C2orf78: variants seen among roughly 807,000 people sequenced by gnomAD.
The protein encoded by C2orf78 is uncharacterized protein C2orf78.
In C2orf78, 12 loss-of-function variants were observed where a neutral mutation model predicts 21.4. The ratio of observed to expected loss-of-function variants is 0.56; its 90% confidence interval spans 0.36 to 0.91. The LOEUF is 0.91. C2orf78 is among the 40% of genes least tolerant of loss of function. The pLI, the probability that C2orf78 is intolerant of heterozygous loss-of-function variation, is 0.01. For synonymous variants in C2orf78, 396 were observed against 413.9 expected, an observed-to-expected ratio of 0.96 and a Z score of 0.52; for missense variants, 1,042 against 1,092.4, an observed-to-expected ratio of 0.95 and a Z score of 0.65.
At chr2:73,815,026 C>CATCT in intron 2 of C2orf78, 45 bp from the exon 3 acceptor site, 4 of 1,551,850 alleles carry the variant, frequency 2.6e-6, no homozygotes, top group Non-Finnish European at 3.5e-6. Context: ...GTAGGGGGAG[C>CATCT]ATCTCACTTA....
At chr2:73,812,798 G>A (rs556135359) in intron 1 of C2orf78, among the ~76,000 whole-genome samples, 306 of 152,300 alleles carry the variant, frequency 2.0e-3, no homozygotes, top group African/African-American at 7.2e-3. Context: ...CAGGCTTGAA[G>A]AGGGCAAAGA....
exon 2 of C2orf78, chr2:73,813,632 T>C: frequency 6.2e-7 from 1 of 1,614,034 alleles, no homozygotes; most frequent in Non-Finnish European, 8.5e-7. Context: ...GCCATCAGCC[T>C]CTGGCACCTC....
rs1047129156 is a variant in C2orf78, at chr2:73,808,313, T to C, written c.98-5164T>C. On this transcript the variant is annotated intron_variant, in intron 1 of 2. Transcript: ENST00000409561. ...AATTCATTAATCAGATTCACTGAAA[T>C]AGTTTTAGAACAACTGTAATTGCTC... Among the ~76,000 whole-genome samples, 8 of 151,254 alleles carry C rather than the reference T, an allele frequency of 5.3e-5. 2 individuals carry two copies. The highest frequency in any genetic ancestry group is 2.0e-4 in the African/African-American group (8 of 40,590).
exon 3 of C2orf78, chr2:73,815,764 C>A: frequency 6.2e-7 from 1 of 1,613,596 alleles, no homozygotes; most frequent in Non-Finnish European, 8.5e-7. Flanking sequence ...CAGGGTGCTC[C>A]CAAGGCCAAA....
At chr2:73,814,033 A>G (rs1673143095) in exon 2 of C2orf78, 1 of 1,613,908 alleles carries the variant, frequency 6.2e-7, no homozygotes, top group Non-Finnish European at 8.5e-7. Flanking sequence ...ATCAAGGCAC[A>G]CTGGGGCCTC....
At chr2:73,807,906 A>T (rs1256128752) in intron 1 of C2orf78, among the ~76,000 whole-genome samples, 1 of 150,568 alleles carries the variant, frequency 6.6e-6, no homozygotes, top group Non-Finnish European at 1.5e-5. Context: ...CAATCAACAA[A>T]CTTTGCTGTT....
chr2:73,786,220 A>G (rs1391476547), intron 1 of C2orf78, among the ~76,000 whole-genome samples: 12 of 151,840 alleles, frequency 7.9e-5, no homozygotes, highest in Admixed American at 2.0e-4. Flanking sequence ...TTTCTCCTGA[A>G]AATATAAGAA....
exon 3 of C2orf78, chr2:73,815,901 A>G: frequency 6.2e-7 from 1 of 1,613,670 alleles, no homozygotes; most frequent in Non-Finnish European, 8.5e-7. Context: ...GGCTGCATCC[A>G]GCAGGATCAG....
At chr2:73,811,514 C>A (rs1405167963) in intron 1 of C2orf78, among the ~76,000 whole-genome samples, 2 of 152,110 alleles carry the variant, frequency 1.3e-5, no homozygotes, top group East Asian at 3.8e-4. Flanking sequence ...CAAGTAAAAG[C>A]TGCTTTTTTA....
intron 1 of C2orf78, among the ~76,000 whole-genome samples, chr2:73,786,162 C>T (rs554089747): frequency 1.3e-5 from 2 of 152,066 alleles, no homozygotes; most frequent in South Asian, 2.1e-4. Context: ...GGCGGATTGC[C>T]TGAGGTCAGA....
exon 2 of C2orf78, chr2:73,814,195 T>C: frequency 6.3e-7 from 1 of 1,587,210 alleles, no homozygotes; most frequent in Non-Finnish European, 8.6e-7. Flanking sequence ...ACTCTGTGTC[T>C]TCTCAACCCA....
At chr2:73,816,951 A>C (rs773433099) in exon 3 of C2orf78, 1 of 1,611,212 alleles carries the variant, frequency 6.2e-7, no homozygotes. Flanking sequence ...TGAAAGGGAA[A>C]GAGATATGGA....
chr2:73,810,580 T>C (rs1165604997), intron 1 of C2orf78, among the ~76,000 whole-genome samples: 2 of 140,610 alleles, frequency 1.4e-5, no homozygotes, highest in African/African-American at 2.6e-5. Flanking sequence ...ATATTTTATG[T>C]ATATTATATA....
intron 1 of C2orf78, among the ~76,000 whole-genome samples, chr2:73,811,733 A>C (rs1293658759): frequency 6.6e-6 from 1 of 152,010 alleles, no homozygotes; most frequent in Non-Finnish European, 1.5e-5. Flanking sequence ...AAGCTATGGG[A>C]ATGTCATTTT....
chr2:73,813,977 A>G (rs763227563), exon 2 of C2orf78: 160 of 1,613,928 alleles, frequency 9.9e-5, no homozygotes, highest in Non-Finnish European at 1.3e-4. Flanking sequence ...GCAGGGCCAT[A>G]ACCTGTCACT....
chr2:73,812,669 G>A (rs901610234), intron 1 of C2orf78, among the ~76,000 whole-genome samples: 7 of 152,050 alleles, frequency 4.6e-5, no homozygotes, highest in Non-Finnish European at 7.4e-5. Flanking sequence ...AGGCAGAGTG[G>A]CTGCCTGGGT....
At chr2:73,816,148 A>T in exon 3 of C2orf78, 1 of 1,613,936 alleles carries the variant, frequency 6.2e-7, no homozygotes, top group Non-Finnish European at 8.5e-7. Context: ...GCACTCGGGA[A>T]AAAGATCGAT....
chr2:73,814,521 G>C (rs995770182), intron 2 of C2orf78, among the ~76,000 whole-genome samples: 1 of 152,172 alleles, frequency 6.6e-6, no homozygotes, highest in Non-Finnish European at 1.5e-5. Context: ...ACGCTGTAAT[G>C]TCCTTCCTTA....
In C2orf78 at chr2:73,810,095, C is replaced by G. The variant is rs144500527; in HGVS notation, c.98-3382C>G. On this transcript the variant is annotated intron_variant, in intron 1 of 2. Transcript: ENST00000409561. ...AGTTGGTTTTAGCAAATGCTTAGAT[C>G]AAAGGACTAGGAAGGAAACAGGCTA... 2.9e-3 allele frequency among the ~76,000 whole-genome samples: 441 copies of G among 151,954 alleles called. 2 individuals are homozygous for G. Among genetic ancestry groups the G allele is most frequent in the African/African-American group, 0.01 (427 of 41,458 alleles).
Sources: gnomAD v4.1 joint callset for allele counts (sites outside exome capture counted in the v4.1 genomes callset) on GRCh38, gnomAD v4.1.1 for gene constraint, MANE v1.5 for transcripts, NCBI Gene and HGNC (gene_info 2026-07-23, HGNC 2026-07-21) for gene names.